Variants in TDRD3 observed in about 807,000 individuals in gnomAD.
TDRD3 encodes tudor domain-containing protein 3.
In TDRD3, 45 loss-of-function variants were observed where a neutral mutation model predicts 86.7. The observed-to-expected ratio is 0.52, with a 90% CI of 0.41 to 0.67. TDRD3 has a LOEUF of 0.67. TDRD3 is among the 30% of genes least tolerant of loss of function. TDRD3 has a pLI of 0.00. For synonymous variants in TDRD3, 298 were observed against 301.7 expected (o/e 0.99, Z 0.13); for missense variants, 814 against 889.0 (o/e 0.92, Z 1.07).
intron 5 of TDRD3, among the ~76,000 whole-genome samples, chr13:60,469,192 T>C (rs1000539857): frequency 3.9e-5 from 6 of 152,190 alleles, no homozygotes; most frequent in African/African-American, 1.4e-4. Context: ...TTAATAGTTC[T>C]ACATAAACAG....
intron 1 of TDRD3, among the ~76,000 whole-genome samples, chr13:60,432,984 G>C (rs1954993216): frequency 6.6e-6 from 1 of 152,006 alleles, no homozygotes. Context: ...TTTTATTCAG[G>C]GGCAATTAAG....
chr13:60,517,640 C>A (rs1240430297), intron 10 of TDRD3, among the ~76,000 whole-genome samples: 3 of 152,192 alleles, frequency 2.0e-5, no homozygotes, highest in Admixed American at 2.0e-4. Context: ...TTGAATTTTT[C>A]TTCCTGTAAA....
At chr13:60,486,044 T>G (rs1157206655) in intron 7 of TDRD3, 96 bp downstream of exon 7, 6 of 1,259,936 alleles carry the variant, frequency 4.8e-6, no homozygotes, top group Middle Eastern at 2.3e-4. Flanking sequence ...AGCTAACTAA[T>G]TCAACAAACG....
chr13:60,485,884 A>C lies in TDRD3; in HGVS notation c.653A>C (p.Asn218Thr), dbSNP rs139774059. 1 of 1,611,346 alleles carries C rather than the reference A, an allele frequency of 6.2e-7. No homozygotes were observed. Among genetic ancestry groups the C allele is most frequent in the African/African-American group, 1.3e-5 (1 of 74,904 alleles). Reference sequence around the variant, plus strand: ...GTTACAATGCCTGTCAAACCTACAAATGATAATGATGAATTTGAAAAGCAA... The same window carrying C: ...GTTACAATGCCTGTCAAACCTACAACTGATAATGATGAATTTGAAAAGCAA... ...LQVTMPVKPT[N>T]DNDEFEKQRT... is the part of the protein sequence containing the mutation. Residue 218 changes from asparagine (N) to threonine (T), a missense_variant, in exon 7 of 14, where the codon AAT becomes ACT. Asn to Thr is a moderately conservative substitution (Grantham distance 65). Transcript: ENST00000377881.
At chr13:60,476,872 G>A (rs1290377840) in intron 5 of TDRD3, among the ~76,000 whole-genome samples, 1 of 152,042 alleles carries the variant, frequency 6.6e-6, no homozygotes, top group Non-Finnish European at 1.5e-5. Flanking sequence ...TTGGCATACA[G>A]AAATGCAACT....
At chr13:60,489,009 C>T (rs1391090603) in intron 7 of TDRD3, among the ~76,000 whole-genome samples, 1 of 152,112 alleles carries the variant, frequency 6.6e-6, no homozygotes, top group East Asian at 1.9e-4. Flanking sequence ...TAGGTTGTCT[C>T]TTCACTCTGT....
intron 1 of TDRD3, among the ~76,000 whole-genome samples, chr13:60,437,714 T>C (rs1482369871): frequency 1.3e-5 from 2 of 152,000 alleles, no homozygotes. Context: ...AACAAAATAT[T>C]CTATTAGTCA....
chr13:60,539,313 T>A (rs1957763184), intron 12 of TDRD3, among the ~76,000 whole-genome samples: 1 of 152,120 alleles, frequency 6.6e-6, no homozygotes, highest in Admixed American at 6.6e-5. Flanking sequence ...AAAGTCATAG[T>A]TTTTATTATA....
chr13:60,567,707 G>T, intron 13 of TDRD3, 57 bp downstream of exon 13: 1 of 1,592,788 alleles, frequency 6.3e-7, no homozygotes, highest in South Asian at 1.1e-5. Flanking sequence ...TTCATGTTAA[G>T]CATATAAGTC....
intron 13 of TDRD3, among the ~76,000 whole-genome samples, chr13:60,569,168 C>T (rs1182032482): frequency 6.6e-6 from 1 of 152,010 alleles, no homozygotes; most frequent in Non-Finnish European, 1.5e-5. Flanking sequence ...GGGGTTTTGC[C>T]ATGTTGCCCA....
chr13:60,424,617 C>A (rs1040892967), intron 1 of TDRD3, among the ~76,000 whole-genome samples: 72 of 152,134 alleles, frequency 4.7e-4, no homozygotes, highest in African/African-American at 1.6e-3. Flanking sequence ...GCAGAGGTTG[C>A]AGTGAGCAGA....
At chr13:60,529,349 AT>A in intron 11 of TDRD3, 132 bp downstream of exon 11, 1 of 917,688 alleles carries the variant, frequency 1.1e-6, no homozygotes, top group Non-Finnish European at 1.5e-6. Flanking sequence ...CTTTGAACAG[AT>A]TTATAGATAT....
intron 5 of TDRD3, among the ~76,000 whole-genome samples, chr13:60,477,774 A>T (rs751498110): frequency 6.6e-6 from 1 of 152,230 alleles, no homozygotes; most frequent in Non-Finnish European, 1.5e-5. Flanking sequence ...TTAGTTTGCT[A>T]GTATTTTATT....
chr13:60,413,880 G>C (rs767035464), intron 1 of TDRD3, among the ~76,000 whole-genome samples: 12 of 151,898 alleles, frequency 7.9e-5, no homozygotes, highest in Non-Finnish European at 1.2e-4. Context: ...AAGATAAAAG[G>C]TACAGGTAGA....
chr13:60,517,063 G>A (rs1957188335), intron 10 of TDRD3, among the ~76,000 whole-genome samples: 1 of 152,130 alleles, frequency 6.6e-6, no homozygotes, highest in Non-Finnish European at 1.5e-5. Flanking sequence ...AGAATATATA[G>A]ATGTAAATAA....
intron 12 of TDRD3, among the ~76,000 whole-genome samples, chr13:60,558,203 A>T (rs1269043881): frequency 1.3e-5 from 2 of 152,204 alleles, no homozygotes; most frequent in African/African-American, 4.8e-5. Flanking sequence ...AGTCACATAC[A>T]TAAAATATAT....
chr13:60,503,900 A>G (rs991542068), intron 8 of TDRD3, among the ~76,000 whole-genome samples: 7 of 152,214 alleles, frequency 4.6e-5, no homozygotes, highest in African/African-American at 1.7e-4. Flanking sequence ...AGACGATTCC[A>G]TCTAATCTTA....
intron 8 of TDRD3, chr13:60,509,555 G>C (rs531638626): frequency 1.7e-6 from 1 of 580,360 alleles, no homozygotes; most frequent in Admixed American, 3.0e-5. Flanking sequence ...TACTTGTGAG[G>C]TCAGAGAATA....
chr13:60,426,241 T>G (rs1332160076), intron 1 of TDRD3, among the ~76,000 whole-genome samples: 1 of 152,006 alleles, frequency 6.6e-6, no homozygotes, highest in Non-Finnish European at 1.5e-5. Flanking sequence ...AGCTCAAATA[T>G]AGAAATAGAG....
Sources: gnomAD v4.1 joint callset for allele counts (sites outside exome capture counted in the v4.1 genomes callset) on GRCh38, gnomAD v4.1.1 for gene constraint, MANE v1.5 for transcripts, NCBI Gene and HGNC (gene_info 2026-07-23, HGNC 2026-07-21) for gene names.